The following CNTN5 variants were observed in gnomAD, a reference collection of about 807,000 sequenced individuals.
CNTN5 encodes contactin 5.
Under a neutral mutation model 129.1 loss-of-function variants are expected in CNTN5, and 77 were observed. That is an observed-to-expected ratio of 0.60 (90% CI 0.50 to 0.72). The LOEUF is 0.72. CNTN5 is among the 30% of genes least tolerant of loss of function. The probability of loss-of-function intolerance (pLI) is 0.00; values close to 1 mark genes in which losing one functional copy is unlikely to be tolerated. For synonymous variants in CNTN5, 509 were observed against 465.6 expected (o/e 1.09, Z -1.20); for missense variants, 1,478 against 1,328.8 (o/e 1.11, Z -1.75).
intron 1 of CNTN5, among the ~76,000 whole-genome samples, chr11:99,255,147 TGAATA>T (rs1862311363): frequency 6.6e-6 from 1 of 151,920 alleles, no homozygotes; most frequent in African/African-American, 2.4e-5. Flanking sequence ...GTGCATTACT[TGAATA>T]GAATAGAACA....
At position 99,699,738 on chromosome 11, in the gene CNTN5, C is replaced by T. The variant is rs1237253386; in HGVS notation, c.56-119806C>T. Among the ~76,000 whole-genome samples the T allele has an allele frequency of 1.3e-5, 2 of 151,450 alleles. 1 individual carries two copies. The highest frequency in any genetic ancestry group is 6.3e-3 in the Middle Eastern group (2 of 316). Reference sequence around the variant, plus strand: ...AAGAGCTTTAAACACCTCACTACCACCTTTAGTGTACACTCTAACCCCATA... The same window carrying T: ...AAGAGCTTTAAACACCTCACTACCATCTTTAGTGTACACTCTAACCCCATA... On this transcript the variant is annotated intron_variant, in intron 3 of 24. Transcript: ENST00000524871.
intron 8 of CNTN5, among the ~76,000 whole-genome samples, chr11:99,974,007 T>A (rs576159202): frequency 6.6e-6 from 1 of 152,362 alleles, no homozygotes; most frequent in South Asian, 2.1e-4. Flanking sequence ...CAAAATATTT[T>A]AAAACTCAGT....
intron 1 of CNTN5, among the ~76,000 whole-genome samples, chr11:99,128,960 A>T (rs1429031696): frequency 3.3e-5 from 5 of 152,202 alleles, no homozygotes; most frequent in African/African-American, 1.2e-4. Flanking sequence ...CCGAAGATTG[A>T]CAGCCTCCAA....
intron 2 of CNTN5, among the ~76,000 whole-genome samples, chr11:99,479,747 A>T (rs978735870): frequency 6.6e-6 from 1 of 152,146 alleles, no homozygotes; most frequent in Non-Finnish European, 1.5e-5. Context: ...TTAAATTTAA[A>T]AAACAAAATT....
At chr11:99,578,981 T>A (rs893900531) in intron 3 of CNTN5, among the ~76,000 whole-genome samples, 3 of 152,100 alleles carry the variant, frequency 2.0e-5, no homozygotes, top group Non-Finnish European at 4.4e-5. Context: ...ATGTAAGTCT[T>A]TAATCCATCT....
intron 1 of CNTN5, among the ~76,000 whole-genome samples, chr11:99,271,631 G>A (rs1863175966): frequency 6.6e-6 from 1 of 151,848 alleles, no homozygotes; most frequent in East Asian, 1.9e-4. Flanking sequence ...CCATGCGGAT[G>A]TGATCCAGGT....
In CNTN5 at chr11:100,226,374, G is replaced by A. The variant is rs558095655; in HGVS notation, c.2005+1562G>A. Among the ~76,000 whole-genome samples, 108 of 152,174 alleles carry A rather than the reference G, an allele frequency of 7.1e-4. No homozygotes were observed. The Middle Eastern group carries it at 0.024, about 34-fold the overall frequency. On this transcript the variant is annotated intron_variant, in intron 16 of 24. Transcript: ENST00000524871. Reference sequence around the variant, plus strand: ...CAATTTAGAGACTGATAAGAAACCAGGTATTTTTACTGGACTATAGGGGGT... The same window carrying A: ...CAATTTAGAGACTGATAAGAAACCAAGTATTTTTACTGGACTATAGGGGGT...
At chr11:99,706,938 A>G (rs1046758680) in intron 3 of CNTN5, among the ~76,000 whole-genome samples, 1 of 150,974 alleles carries the variant, frequency 6.6e-6, no homozygotes, top group Admixed American at 6.6e-5. Context: ...CCTGTGCTAT[A>G]TATCTCAATT....
intron 2 of CNTN5, among the ~76,000 whole-genome samples, chr11:99,516,867 G>A (rs559424066): frequency 6.6e-6 from 1 of 152,080 alleles, no homozygotes; most frequent in East Asian, 1.9e-4. Flanking sequence ...ACTTATGTTA[G>A]GTGTCATTTT....
At chr11:100,081,432 C>A (rs1402321293) in intron 13 of CNTN5, among the ~76,000 whole-genome samples, 3 of 152,038 alleles carry the variant, frequency 2.0e-5, no homozygotes, top group African/African-American at 7.2e-5. Context: ...ACTTTATGTC[C>A]ATATCTACTA....
chr11:99,702,924 T>C (rs1437887565), intron 3 of CNTN5, among the ~76,000 whole-genome samples: 2 of 151,062 alleles, frequency 1.3e-5, no homozygotes, highest in East Asian at 3.9e-4. Flanking sequence ...ATTAATGAAG[T>C]ATATAAGGAT....
At chr11:99,849,592 A>G (rs1007499400) in intron 6 of CNTN5, among the ~76,000 whole-genome samples, 2 of 152,148 alleles carry the variant, frequency 1.3e-5, no homozygotes, top group Non-Finnish European at 2.9e-5. Flanking sequence ...GATAGCACCA[A>G]ATAAGTTCTG....
At chr11:99,667,274 GT>G (rs1952830991) in intron 3 of CNTN5, among the ~76,000 whole-genome samples, 1 of 145,266 alleles carries the variant, frequency 6.9e-6, no homozygotes, top group African/African-American at 2.5e-5. Context: ...CAAGCATTTT[GT>G]TTTGTTTTCA....
At chr11:100,109,222 T>A (rs917215751) in intron 13 of CNTN5, among the ~76,000 whole-genome samples, 1 of 152,168 alleles carries the variant, frequency 6.6e-6, no homozygotes, top group African/African-American at 2.4e-5. Context: ...AGTCAGGCAT[T>A]CGAGACCAGC....
At chr11:99,582,655 TGCC>T (rs1949649488) in intron 3 of CNTN5, among the ~76,000 whole-genome samples, 1 of 152,206 alleles carries the variant, frequency 6.6e-6, no homozygotes, top group Non-Finnish European at 1.5e-5. Flanking sequence ...ATAGTTCTCA[TGCC>T]ATGCTTTTCA....
intron 1 of CNTN5, among the ~76,000 whole-genome samples, chr11:99,263,750 G>C (rs1862754732): frequency 6.6e-6 from 1 of 151,944 alleles, no homozygotes; most frequent in Non-Finnish European, 1.5e-5. Context: ...ACAAGTAGCT[G>C]GGACAACACA....
chr11:100,253,158 T>C (rs1304125943), intron 16 of CNTN5, among the ~76,000 whole-genome samples: 1 of 152,182 alleles, frequency 6.6e-6, no homozygotes, highest in East Asian at 1.9e-4. Context: ...CCCTAACACA[T>C]ACTTTTTCTC....
intron 3 of CNTN5, among the ~76,000 whole-genome samples, chr11:99,703,858 T>G (rs574388628): frequency 2.0e-5 from 3 of 151,098 alleles, no homozygotes; most frequent in African/African-American, 7.2e-5. Context: ...GAAATTTCGT[T>G]GCTAGAAATT....
intron 16 of CNTN5, among the ~76,000 whole-genome samples, chr11:100,253,790 C>G (rs116844857): frequency 6.6e-6 from 1 of 152,076 alleles, no homozygotes; most frequent in Non-Finnish European, 1.5e-5. Context: ...TTTCATAAAT[C>G]CTAGACCTTA....
Sources: allele counts gnomAD v4.1 joint callset (sites outside exome capture counted in the v4.1 genomes callset), GRCh38; gene constraint gnomAD v4.1.1; transcripts MANE v1.5; gene names NCBI Gene and HGNC (gene_info 2026-07-23, HGNC 2026-07-21).